SLIT3: variants seen among roughly 807,000 people sequenced by gnomAD.
SLIT3 encodes the protein slit guidance ligand 3.
SLIT3 carries 68 observed loss-of-function variants against 184.0 expected under a neutral mutation model. That is an observed-to-expected ratio of 0.37 (90% CI 0.30 to 0.45). The LOEUF is 0.45. SLIT3 is among the 20% of genes least tolerant of loss of function. The pLI is 1.00. For synonymous variants in SLIT3, 831 were observed against 828.6 expected, an observed-to-expected ratio of 1.00 and a Z score of -0.05; for missense variants, 1,707 against 2,026.0, an observed-to-expected ratio of 0.84 and a Z score of 3.02.
chr5:168,704,133 G>A (rs897374947), intron 26 of SLIT3, among the ~76,000 whole-genome samples: 1 of 151,634 alleles, frequency 6.6e-6, no homozygotes, highest in Non-Finnish European at 1.5e-5. Context: ...CCTGACCTCG[G>A]ATCTAATGAA....
intron 5 of SLIT3, among the ~76,000 whole-genome samples, chr5:168,850,876 A>G (rs1338768497): frequency 6.6e-6 from 1 of 152,250 alleles, no homozygotes; most frequent in African/African-American, 2.4e-5. Context: ...AAAGAGGCAC[A>G]CCAGACCTTG....
In SLIT3 at chr5:168,662,041, A is replaced by C. The variant is rs1760869480; in HGVS notation, c.*4413T>G. The stretch of plus-strand genomic sequence containing the variant: ...TTGGCACTGTTGAGCCCACACTACA[A>C]AACATGAACAAGTCCCACAAAACCA... On this transcript the variant is annotated 3_prime_UTR_variant, in exon 36 of 36. Coordinates refer to ENST00000519560, the MANE Select transcript of SLIT3 (RefSeq NM_003062.4). The C allele has an allele frequency of 6.6e-6, 1 of 152,188 alleles. No individual in the cohort carries two copies. Among genetic ancestry groups the C allele is most frequent in the Non-Finnish European group, 1.5e-5 (1 of 68,044 alleles). 9.4% of individuals were successfully genotyped at this position (152,188 alleles called of 1,614,324 possible).
intron 4 of SLIT3, among the ~76,000 whole-genome samples, chr5:168,945,685 T>C (rs1762453717): frequency 6.6e-6 from 1 of 152,200 alleles, no homozygotes; most frequent in Non-Finnish European, 1.5e-5. Context: ...ATATCAACAC[T>C]GAGAGAGAGA....
At chr5:169,010,048 G>C (rs557342699) in intron 4 of SLIT3, among the ~76,000 whole-genome samples, 5 of 152,124 alleles carry the variant, frequency 3.3e-5, no homozygotes, top group Non-Finnish European at 7.3e-5. Flanking sequence ...TGAACCAATC[G>C]AGTTTTACAG....
At chr5:169,281,026 C>T (rs2113646419) in intron 1 of SLIT3, among the ~76,000 whole-genome samples, 1 of 152,156 alleles carries the variant, frequency 6.6e-6, no homozygotes, top group East Asian at 1.9e-4. Context: ...GTGTTGGGGT[C>T]ACAATAGGGA....
intron 4 of SLIT3, among the ~76,000 whole-genome samples, chr5:169,081,701 C>T (rs565730875): frequency 2.0e-5 from 3 of 152,118 alleles, no homozygotes; most frequent in Non-Finnish European, 4.4e-5. Context: ...GCATGAGTCC[C>T]GGCAGCAATT....
In SLIT3 at chr5:168,700,764, T is replaced by TG. The variant is rs1762190883; in HGVS notation, c.2845-86_2845-85insC. The TG allele has an allele frequency of 2.1e-5, 20 of 970,634 alleles. No individual in the cohort carries two copies. In the South Asian group the frequency reaches 2.7e-4, roughly 13 times the overall value. The allele number at this position is 970,634 out of a possible 1,614,324, so 60.1% of individuals were successfully genotyped here. ...CAGGGGACTCCAGGGGTTCCAGCAT[T>TG]CTCTGTGATGAGGCTGGGGAGATGA... On this transcript the variant is annotated intron_variant, in intron 26 of 35. Transcript: ENST00000519560.
intron 3 of SLIT3, among the ~76,000 whole-genome samples, chr5:169,240,316 C>A (rs902924368): frequency 9.9e-5 from 15 of 151,308 alleles, no homozygotes; most frequent in Non-Finnish European, 1.8e-4. Context: ...CCTCCTTGTT[C>A]TATTAATTAC....
rs140852492 is a variant in SLIT3, at chr5:169,210,025, C to A, written c.342-16475G>T. 6.6e-3 allele frequency among the ~76,000 whole-genome samples: 1,001 copies of A among 152,312 alleles called. 12 individuals carry two copies. Among genetic ancestry groups the A allele is most frequent in the African/African-American group, 0.022 (926 of 41,578 alleles). ...TGAGATACAAAATTCAGTAAGACCT[C>A]CTCCTTAAGGAACTTGCAATCTAGC... On this transcript the variant is annotated intron_variant, in intron 3 of 35. Coordinates refer to ENST00000519560, the MANE Select transcript of SLIT3 (RefSeq NM_003062.4).
chr5:168,736,812 G>A lies in SLIT3; in HGVS notation c.2270+11490C>T, dbSNP rs187776582. Among the ~76,000 whole-genome samples, 137 of 152,342 alleles carry A rather than the reference G, an allele frequency of 9.0e-4. 1 individual carries two copies. Among genetic ancestry groups the A allele is most frequent in the Non-Finnish European group, 1.6e-3 (111 of 68,030 alleles). On this transcript the variant is annotated intron_variant, in intron 20 of 35. Coordinates refer to ENST00000519560, the MANE Select transcript of SLIT3 (RefSeq NM_003062.4). ...CTGGGCAGAACACATAGGGACCTGG[G>A]TTTCTGCCACAGGGAGGACTTGGGG...
intron 3 of SLIT3, among the ~76,000 whole-genome samples, chr5:169,197,794 C>CG (rs1044075093): frequency 6.6e-6 from 1 of 151,392 alleles, no homozygotes; most frequent in African/African-American, 2.4e-5. Context: ...CCTGATGCAA[C>CG]AATGGGGAGC....
intron 4 of SLIT3, among the ~76,000 whole-genome samples, chr5:168,884,021 G>C (rs1264129140): frequency 6.6e-6 from 1 of 152,060 alleles, no homozygotes; most frequent in Non-Finnish European, 1.5e-5. Flanking sequence ...GATAGTGTCA[G>C]GTTCTACAGC....
At chr5:169,200,132 C>T (rs561351296) in intron 3 of SLIT3, among the ~76,000 whole-genome samples, 12 of 152,260 alleles carry the variant, frequency 7.9e-5, no homozygotes, top group East Asian at 3.9e-4. Context: ...GTGAGCAGGG[C>T]GAAGGGGTCA....
chr5:169,141,434 TTG>T (rs1491068671), intron 4 of SLIT3, among the ~76,000 whole-genome samples: 66 of 152,016 alleles, frequency 4.3e-4, no homozygotes, highest in Admixed American at 2.4e-3. Context: ...GTTTTTTTTT[TTG>T]TTTTTTGATA....
At chr5:168,779,662 A>T (rs1755898442) in intron 12 of SLIT3, among the ~76,000 whole-genome samples, 1 of 152,220 alleles carries the variant, frequency 6.6e-6, no homozygotes, top group South Asian at 2.1e-4. Context: ...AACAGAAGCC[A>T]CTGGGAGTCA....
chr5:169,234,774 T>C (rs942858800), intron 3 of SLIT3, among the ~76,000 whole-genome samples: 2 of 152,190 alleles, frequency 1.3e-5, no homozygotes, highest in African/African-American at 4.8e-5. Context: ...AGTTCTTGAA[T>C]GTTCATAATA....
At position 168,785,966 on chromosome 5, in the gene SLIT3, C is replaced by T. The variant is rs1688360732; in HGVS notation, c.1092G>A (p.Gly364=). Residue 364 remains glycine (G), a synonymous_variant, in exon 12 of 36, where the codon GGG becomes GGA. Coordinates refer to ENST00000519560, the MANE Select transcript of SLIT3 (RefSeq NM_003062.4). Reference sequence around the variant, plus strand: ...CCTTGACAATCTCGGTGATCTTGTTCCCATACAGGACCCTGAAAGAGAGAA... The same window carrying T: ...CCTTGACAATCTCGGTGATCTTGTTTCCATACAGGACCCTGAAAGAGAGAA... The part of the protein sequence containing the change: ...LKSLTSLVLY[G]NKITEIVKGL... 1 of 1,610,932 alleles carries T rather than the reference C, an allele frequency of 6.2e-7. No individual in the cohort carries two copies. The highest frequency in any genetic ancestry group is 1.3e-5 in the African/African-American group (1 of 74,776).
chr5:169,050,039 T>C (rs942704713), intron 4 of SLIT3, among the ~76,000 whole-genome samples: 1 of 152,112 alleles, frequency 6.6e-6, no homozygotes, highest in African/African-American at 2.4e-5. Flanking sequence ...TAAGTAAATG[T>C]GATGGCTCCA....
At chr5:168,728,641 C>T (rs1763207783) in intron 20 of SLIT3, among the ~76,000 whole-genome samples, 1 of 151,954 alleles carries the variant, frequency 6.6e-6, no homozygotes, top group Non-Finnish European at 1.5e-5. Flanking sequence ...AAGCCAAAGC[C>T]CAGGTGCAGT....
Sources: gnomAD v4.1 joint callset for allele counts (sites outside exome capture counted in the v4.1 genomes callset) on GRCh38, gnomAD v4.1.1 for gene constraint, MANE v1.5 for transcripts, NCBI Gene and HGNC (gene_info 2026-07-23, HGNC 2026-07-21) for gene names.